Variants in SYNJ1 observed in about 807,000 individuals in gnomAD.
SYNJ1 encodes the protein synaptojanin 1, also known as polyphosphatidylinositol phosphatase SYNJ1.
In SYNJ1, 78 loss-of-function variants were observed where a neutral mutation model predicts 168.2. That is an observed-to-expected ratio of 0.46 (90% CI 0.39 to 0.56). SYNJ1 has a LOEUF of 0.56. Among genes scored for constraint, SYNJ1 ranks in the 20% least tolerant of loss-of-function variants. The pLI is 0.00. For missense variants in SYNJ1, 1,303 were observed against 1,597.6 expected, an observed-to-expected ratio of 0.82 and a Z score of 3.14; for synonymous variants, 539 against 548.6, an observed-to-expected ratio of 0.98 and a Z score of 0.24.
chr21:32,691,803 C>T (rs1325899184), intron 6 of SYNJ1, among the ~76,000 whole-genome samples: 1 of 152,134 alleles, frequency 6.6e-6, no homozygotes. Flanking sequence ...TCTCATAGCA[C>T]CTAGCATAAA....
rs781139343 is a variant in SYNJ1 at position 32,631,528 on chromosome 21, T to C, written c.*277A>G. On this transcript the variant is annotated 3_prime_UTR_variant, in exon 33 of 33. Transcript: ENST00000674351. The stretch of plus-strand genomic sequence containing the variant: ...GGATTTGTCCTGGTCAAGCCAGTAA[T>C]AAATGGGTTTGGAGAACTTCGCATA... The C allele has an allele frequency of 3.7e-6, 6 of 1,614,006 alleles. No individual in the cohort carries two copies. The highest frequency in any genetic ancestry group is 5.1e-6 in the Non-Finnish European group (6 of 1,179,998).
At chr21:32,700,519 G>T (rs981109803) in intron 3 of SYNJ1, among the ~76,000 whole-genome samples, 1 of 152,074 alleles carries the variant, frequency 6.6e-6, no homozygotes, top group Non-Finnish European at 1.5e-5. Flanking sequence ...GCTGGGCGTG[G>T]TGGTGCATGC....
chr21:32,673,454 C>T lies in SYNJ1; in HGVS notation c.1612G>A (p.Gly538Arg). The T allele has an allele frequency of 1.2e-6, 2 of 1,613,000 alleles. No homozygotes were observed. The highest frequency in any genetic ancestry group is 1.7e-6 in the Non-Finnish European group (2 of 1,179,534). Residue 538 changes from glycine (G) to arginine (R), a missense_variant, in exon 14 of 33, where the codon GGA (glycine) becomes AGA (arginine). Transcript: ENST00000674351. ...SKPKKIRVCVGTWNVNGGKQF... is the reference protein window; with the variant it reads ...SKPKKIRVCVRTWNVNGGKQF... Reference sequence around the variant, plus strand: ...TTCCCACCATTCACATTCCAGGTTCCGACACATACTCGAATTTTCTTAGGC... The same window carrying T: ...TTCCCACCATTCACATTCCAGGTTCTGACACATACTCGAATTTTCTTAGGC...
chr21:32,663,684 C>T (rs959556059), intron 18 of SYNJ1, among the ~76,000 whole-genome samples: 12 of 152,184 alleles, frequency 7.9e-5, no homozygotes, highest in African/African-American at 2.7e-4. Context: ...TACAATATTA[C>T]AGACCTGCTA....
intron 23 of SYNJ1, among the ~76,000 whole-genome samples, chr21:32,649,951 T>C (rs113949414): frequency 6.6e-6 from 1 of 152,166 alleles, no homozygotes; most frequent in African/African-American, 2.4e-5. Context: ...GGTTTCGCCA[T>C]GTTGGACAGG....
Position 32,634,460 on chromosome 21 carries a change from A to G in SYNJ1, c.*3+401T>C, listed in dbSNP as rs540901963. Among the ~76,000 whole-genome samples, 4 of 152,246 alleles carry G rather than the reference A, an allele frequency of 2.6e-5. No homozygotes were observed. The South Asian group carries it at 8.3e-4, about 32-fold the overall frequency. On this transcript the variant is annotated intron_variant, in intron 32 of 32. Transcript: ENST00000674351. Reference sequence around the variant, plus strand: ...CTTGCTACTAAAACCATTTGAAAAAATATTTCCCCCAAATATTTTTTCCTA... The same window carrying G: ...CTTGCTACTAAAACCATTTGAAAAAGTATTTCCCCCAAATATTTTTTCCTA...
At chr21:32,678,622 A>G (rs766733568) in intron 12 of SYNJ1, 23 bp downstream of exon 12, 28 of 1,518,372 alleles carry the variant, frequency 1.8e-5, no homozygotes, top group Non-Finnish European at 2.5e-5. Context: ...ATAAATAACA[A>G]ATAAAATATA....
At chr21:32,637,262 C>T (rs1250954060) in intron 31 of SYNJ1, among the ~76,000 whole-genome samples, 1 of 151,444 alleles carries the variant, frequency 6.6e-6, no homozygotes, top group Admixed American at 6.6e-5. Flanking sequence ...CCTTCAATTA[C>T]ATTTTAAAAA....
intron 11 of SYNJ1, among the ~76,000 whole-genome samples, chr21:32,681,072 C>T (rs1311306365): frequency 6.6e-6 from 1 of 152,154 alleles, no homozygotes; most frequent in African/African-American, 2.4e-5. Flanking sequence ...CATCTATTAA[C>T]AGTAGGCACT....
At chr21:32,727,854 CG>C in intron 1 of SYNJ1, 91 bp downstream of exon 1, 2 of 1,507,056 alleles carry the variant, frequency 1.3e-6, no homozygotes, top group Non-Finnish European at 1.8e-6. Flanking sequence ...GCTGACGCTG[CG>C]GAGGCAGAGA....
chr21:32,657,634 C>A, intron 19 of SYNJ1, 82 bp downstream of exon 19: 1 of 1,236,266 alleles, frequency 8.1e-7, no homozygotes, highest in South Asian at 2.2e-5. Context: ...AAACAATATT[C>A]TCCTCATTTG....
chr21:32,650,869 G>T (rs1387811489), intron 22 of SYNJ1, among the ~76,000 whole-genome samples: 2 of 152,180 alleles, frequency 1.3e-5, no homozygotes, highest in African/African-American at 4.8e-5. Flanking sequence ...AATGTCAGAA[G>T]AATATTAAGA....
rs62214441 is a variant in SYNJ1 at position 32,717,094 on chromosome 21, G to A, written c.124+9678C>T. Among the ~76,000 whole-genome samples, 8 of 152,066 alleles carry A rather than the reference G, an allele frequency of 5.3e-5. No individual in the cohort carries two copies. In the East Asian group the frequency reaches 1.5e-3, roughly 29 times the overall value. On this transcript the variant is annotated intron_variant, in intron 2 of 32. Transcript: ENST00000674351. ...CCTGCCTCAGCCTCTCGAGTAGCTGGGATTACAGGTGCCTGCCACCACGCC... is the reference window on the plus strand; with the variant it reads ...CCTGCCTCAGCCTCTCGAGTAGCTGAGATTACAGGTGCCTGCCACCACGCC...
chr21:32,708,605 C>G lies in SYNJ1; in HGVS notation c.125-6558G>C, dbSNP rs114434003. Among the ~76,000 whole-genome samples, 148 of 152,350 alleles carry G rather than the reference C, an allele frequency of 9.7e-4. 1 individual carries two copies. Among genetic ancestry groups the G allele is most frequent in the African/African-American group, 3.5e-3 (146 of 41,578 alleles). ...ACCGCATTAGTTCACATGCTGAACA[C>G]ATAAGCTAAAGCAAATTCCAACTTC... On this transcript the variant is annotated intron_variant, in intron 2 of 32. Transcript: ENST00000674351.
At chr21:32,690,608 C>T (rs541993113) in intron 6 of SYNJ1, among the ~76,000 whole-genome samples, 7 of 152,244 alleles carry the variant, frequency 4.6e-5, no homozygotes, top group Non-Finnish European at 8.8e-5. Context: ...AAAAAAGTTG[C>T]GGCCAGGTGT....
intron 10 of SYNJ1, 49 bp from the exon 11 acceptor site, chr21:32,681,697 G>A: frequency 6.6e-7 from 1 of 1,520,700 alleles, no homozygotes; most frequent in Non-Finnish European, 8.8e-7. Flanking sequence ...TATATTAATT[G>A]TAATATGGCT....
rs1375155056 is a variant in SYNJ1, at chr21:32,681,753, T to C, written c.1201-105A>G. 6 of 978,766 alleles carry C rather than the reference T, an allele frequency of 6.1e-6. No homozygotes were observed. In the East Asian group the frequency reaches 1.4e-4, roughly 22 times the overall value. The allele number at this position is 978,766 out of a possible 1,614,324, so 60.6% of individuals were successfully genotyped here. A position where few individuals can be genotyped will look rare whatever the true frequency, so the allele number is the denominator to read the frequency against. On this transcript the variant is annotated intron_variant, in intron 10 of 32. Coordinates refer to ENST00000674351, the MANE Select transcript of SYNJ1 (RefSeq NM_203446.3). ...AACCAAAAATTTATCATTATAGCAC[T>C]ATTTGGGACTAGCTTCTGAAAACAT...
At position 32,666,476 on chromosome 21, in the gene SYNJ1, A is replaced by T; in HGVS notation, c.1909T>A (p.Cys637Ser). The T allele has an allele frequency of 1.2e-6, 2 of 1,614,154 alleles. No homozygotes were observed. The highest frequency in any genetic ancestry group is 1.7e-6 in the Non-Finnish European group (2 of 1,179,998). ...TGTGGTCTGATAAAAACAAACAAAC[A>T]GACGCCCACCAACTGTTCAGAAGCC... is the stretch of plus-strand genomic sequence containing the variant. ...LLASEQLVGVCLFVFIRPQHA... is the reference protein window; with the variant it reads ...LLASEQLVGVSLFVFIRPQHA... The change falls in exon 16 of 33, where the codon TGT becomes AGT. Residue 637 changes from cysteine (C) to serine (S), a missense_variant. Cys to Ser is a moderately radical substitution (Grantham distance 112). Around this residue, in one of 2 missense-constraint regions of SYNJ1, gnomAD observed 920 missense variants for 1,208.8 expected, o/e 0.76. Coordinates refer to ENST00000674351, the MANE Select transcript of SYNJ1 (RefSeq NM_203446.3).
At chr21:32,638,237 T>C (rs2039667569) in intron 31 of SYNJ1, among the ~76,000 whole-genome samples, 1 of 152,102 alleles carries the variant, frequency 6.6e-6, no homozygotes, top group African/African-American at 2.4e-5. Context: ...CCTGGATAGT[T>C]CTTTAATTTG....
Sources: gnomAD v4.1 joint callset for allele counts (sites outside exome capture counted in the v4.1 genomes callset) on GRCh38, gnomAD v4.1.1 for gene constraint, gnomAD v4.1.1 regional missense constraint, MANE v1.5 for transcripts, NCBI Gene and HGNC (gene_info 2026-07-23, HGNC 2026-07-21) for gene names.